DLC1: variants seen among roughly 807,000 people sequenced by gnomAD.
The protein encoded by DLC1 is rho GTPase-activating protein 7.
DLC1 carries 54 observed loss-of-function variants against 140.3 expected under a neutral mutation model. The observed-to-expected ratio is 0.38, with a 90% CI of 0.31 to 0.48. The LOEUF (loss-of-function observed/expected upper bound fraction) is 0.48, where lower values mean the gene tolerates loss of function less well. DLC1 is among the 20% of genes least tolerant of loss of function. DLC1 has a pLI of 0.96. For missense variants in DLC1, 2,536 were observed against 1,907.0 expected (o/e 1.33, Z -6.14); for synonymous variants, 986 against 728.1 (o/e 1.35, Z -5.70).
chr8:13,500,673 T>C (rs1457473950), intron 1 of DLC1, among the ~76,000 whole-genome samples: 1 of 152,190 alleles, frequency 6.6e-6, no homozygotes, highest in Non-Finnish European at 1.5e-5. Flanking sequence ...AGAGACAGCA[T>C]GTGTAATGTA....
At chr8:13,263,616 G>A (rs1239578984) in intron 5 of DLC1, among the ~76,000 whole-genome samples, 1 of 150,540 alleles carries the variant, frequency 6.6e-6, no homozygotes, top group African/African-American at 2.4e-5. Flanking sequence ...AAATATATAT[G>A]TGCATGTATA....
At chr8:13,233,055 G>A (rs983281479) in intron 5 of DLC1, among the ~76,000 whole-genome samples, 2 of 152,108 alleles carry the variant, frequency 1.3e-5, no homozygotes, top group African/African-American at 4.8e-5. Flanking sequence ...AGGACTTTGG[G>A]AGGCTGAAGT....
At chr8:13,577,127 G>T (rs1051576398) in intron 1 of DLC1, among the ~76,000 whole-genome samples, 1 of 152,144 alleles carries the variant, frequency 6.6e-6, no homozygotes, top group East Asian at 1.9e-4. Flanking sequence ...TTTAAGAACA[G>T]TCCAAACTGG....
chr8:13,520,523 G>A (rs1170491332), intron 1 of DLC1, among the ~76,000 whole-genome samples: 1 of 152,078 alleles, frequency 6.6e-6, no homozygotes, highest in African/African-American at 2.4e-5. Context: ...CCTAACGTAG[G>A]TGATGGGTTG....
intron 2 of DLC1, among the ~76,000 whole-genome samples, chr8:13,401,977 A>G (rs1449968907): frequency 6.6e-6 from 1 of 152,204 alleles, no homozygotes; most frequent in African/African-American, 2.4e-5. Flanking sequence ...TTTAAAAGGT[A>G]CTAATAATTA....
intron 5 of DLC1, among the ~76,000 whole-genome samples, chr8:13,195,720 A>T (rs933005148): frequency 6.6e-6 from 1 of 152,180 alleles, no homozygotes; most frequent in African/African-American, 2.4e-5. Context: ...CTCCTTAGAG[A>T]TGGTGCCACA....
intron 10 of DLC1, 130 bp from the exon 11 acceptor site, chr8:13,095,375 A>G: frequency 8.6e-7 from 1 of 1,160,318 alleles, no homozygotes. Context: ...TTAAATTTAA[A>G]TTAAACAAAA....
In DLC1 at chr8:13,599,553, C is replaced by T. The variant is rs1399789002; in HGVS notation, c.-126+4984G>A. 2.6e-5 allele frequency among the ~76,000 whole-genome samples: 4 copies of T among 151,944 alleles called. No individual in the cohort carries two copies. In the South Asian group the frequency reaches 8.3e-4, roughly 32 times the overall value. On this transcript the variant is annotated intron_variant, in intron 1 of 1. Transcript: ENST00000631382. ...CAAATCCCAATGAAGAAGGCATGAA[C>T]AAAGAACAAACCAAGAACCTAAATA...
chr8:13,511,263 C>T (rs1325462142), intron 1 of DLC1, among the ~76,000 whole-genome samples: 3 of 152,076 alleles, frequency 2.0e-5, no homozygotes, highest in African/African-American at 7.2e-5. Context: ...TTGTCTTTTC[C>T]ACCCATTTAT....
At chr8:13,350,480 C>T (rs1362449905) in intron 4 of DLC1, among the ~76,000 whole-genome samples, 3 of 152,074 alleles carry the variant, frequency 2.0e-5, no homozygotes, top group Non-Finnish European at 2.9e-5. Flanking sequence ...CTTTGGAAAG[C>T]CGAGGCAGGT....
At chr8:13,594,327 G>A (rs2117481443) in intron 1 of DLC1, among the ~76,000 whole-genome samples, 1 of 152,144 alleles carries the variant, frequency 6.6e-6, no homozygotes, top group East Asian at 1.9e-4. Flanking sequence ...TTTCAATGCA[G>A]CCTACTTCGC....
At chr8:13,401,833 T>G (rs1837314007) in intron 2 of DLC1, among the ~76,000 whole-genome samples, 1 of 152,104 alleles carries the variant, frequency 6.6e-6, no homozygotes, top group South Asian at 2.1e-4. Context: ...TAAATATATA[T>G]CTTGTAAAGC....
At chr8:13,204,113 A>T (rs549146175) in intron 5 of DLC1, among the ~76,000 whole-genome samples, 1 of 152,302 alleles carries the variant, frequency 6.6e-6, no homozygotes, top group East Asian at 1.9e-4. Context: ...CTCAGGGGGA[A>T]AAAAGACTGT....
At chr8:13,553,804 C>G (rs544591457) in intron 1 of DLC1, among the ~76,000 whole-genome samples, 4 of 152,166 alleles carry the variant, frequency 2.6e-5, no homozygotes, top group African/African-American at 4.8e-5. Flanking sequence ...CAAGGTCACC[C>G]AAGTCCTCCG....
At chr8:13,412,953 A>AAG (rs1563326151) in intron 2 of DLC1, among the ~76,000 whole-genome samples, 1 of 147,276 alleles carries the variant, frequency 6.8e-6, no homozygotes, top group Non-Finnish European at 1.5e-5. Flanking sequence ...AAAAAAAAAA[A>AAG]ATGCCGGTTT....
At chr8:13,429,690 C>T (rs1838769981) in intron 2 of DLC1, among the ~76,000 whole-genome samples, 1 of 152,146 alleles carries the variant, frequency 6.6e-6, no homozygotes, top group Admixed American at 6.5e-5. Flanking sequence ...TTATTGGCAG[C>T]AACCTTGCAT....
intron 4 of DLC1, among the ~76,000 whole-genome samples, chr8:13,368,158 A>G (rs937960958): frequency 6.6e-6 from 1 of 152,212 alleles, no homozygotes; most frequent in African/African-American, 2.4e-5. Context: ...GTTGAAAGAC[A>G]TAATTGGGAA....
intron 5 of DLC1, among the ~76,000 whole-genome samples, chr8:13,138,232 C>G (rs1474763064): frequency 2.0e-5 from 3 of 152,080 alleles, no homozygotes. Flanking sequence ...GTTCAGGACC[C>G]CTCTGAGAAG....
intron 1 of DLC1, among the ~76,000 whole-genome samples, chr8:13,588,505 T>A (rs1475021812): frequency 6.6e-6 from 1 of 152,070 alleles, no homozygotes; most frequent in African/African-American, 2.4e-5. Flanking sequence ...ACACTGAATA[T>A]AAATGAATTC....
Sources: allele counts gnomAD v4.1 joint callset (sites outside exome capture counted in the v4.1 genomes callset), GRCh38; gene constraint gnomAD v4.1.1; transcripts MANE v1.5; gene names NCBI Gene and HGNC (gene_info 2026-07-23, HGNC 2026-07-21).